Variants in CYP2U1 observed in about 807,000 individuals in gnomAD.
The protein encoded by CYP2U1 is cytochrome P450 family 2 subfamily U member 1, also known as cytochrome P450 2U1.
Under a neutral mutation model 42.8 loss-of-function variants are expected in CYP2U1, and 28 were observed. That is an observed-to-expected ratio of 0.65 (90% CI 0.48 to 0.90). The LOEUF (loss-of-function observed/expected upper bound fraction) is 0.90, where lower values mean the gene tolerates loss of function less well. CYP2U1 is among the 40% of genes least tolerant of loss of function. The pLI, the probability that CYP2U1 is intolerant of heterozygous loss-of-function variation, is 0.00. For missense variants in CYP2U1, 642 were observed against 693.8 expected (o/e 0.93, Z 0.84); for synonymous variants, 296 against 278.9 (o/e 1.06, Z -0.61).
At chr4:107,942,330 A>AT (rs1303457650) in intron 1 of CYP2U1, among the ~76,000 whole-genome samples, 1 of 152,174 alleles carries the variant, frequency 6.6e-6, no homozygotes, top group African/African-American at 2.4e-5. Flanking sequence ...TGCTCTGTGG[A>AT]TCCCCCAGAC....
rs10002671 is a variant in CYP2U1, at chr4:107,944,902, G to A, written c.491-68G>A. 841,567 of 1,443,908 alleles carry A rather than the reference G, an allele frequency of 0.58. 246,435 individuals carry two copies. The highest frequency in any genetic ancestry group is 0.75 in the African/African-American group (48,709 of 64,794). The allele number at this position is 1,443,908 out of a possible 1,614,324, so 89.4% of individuals were successfully genotyped here. ...ACTTGAAAAATACAGAATGCACTCCGTGGTAGGTCTGTTCAGTGTTATCAG... is the reference window on the plus strand; with the variant it reads ...ACTTGAAAAATACAGAATGCACTCCATGGTAGGTCTGTTCAGTGTTATCAG... On this transcript the variant is annotated intron_variant, in intron 1 of 4. Coordinates refer to ENST00000332884, the MANE Select transcript of CYP2U1 (RefSeq NM_183075.3).
chr4:107,950,486 T>C lies in CYP2U1; in HGVS notation c.*63T>C. ...AATACATATCCTTCTAAGCAGATTC[T>C]TCCTACTGCAAAGGACAGTGAATCC... On this transcript the variant is annotated 3_prime_UTR_variant, in exon 5 of 5. Coordinates refer to ENST00000332884, the MANE Select transcript of CYP2U1 (RefSeq NM_183075.3). 2 of 1,480,348 alleles carry C rather than the reference T, an allele frequency of 1.4e-6. No individual in the cohort carries two copies. The highest frequency in any genetic ancestry group is 1.8e-6 in the Non-Finnish European group (2 of 1,111,608). The allele number at this position is 1,480,348 out of a possible 1,614,324, so 91.7% of individuals were successfully genotyped here. A position where few individuals can be genotyped will look rare whatever the true frequency, so the allele number is the denominator to read the frequency against.
At chr4:107,944,585 C>T (rs1484457400) in intron 1 of CYP2U1, among the ~76,000 whole-genome samples, 1 of 151,546 alleles carries the variant, frequency 6.6e-6, no homozygotes, top group Admixed American at 6.6e-5. Flanking sequence ...GGATTATAGG[C>T]ATGAGCCACT....
chr4:107,948,590 A>ATCG (rs1334760455), intron 3 of CYP2U1, among the ~76,000 whole-genome samples: 2 of 148,424 alleles, frequency 1.3e-5, no homozygotes, highest in African/African-American at 5.2e-5. Flanking sequence ...AATAATAATA[A>ATCG]TAATCATCAT....
Position 107,950,255 on chromosome 4 carries a change from GT to G in CYP2U1, c.1468del (p.Cys490ValfsTer13). 6.2e-7 allele frequency: 1 copy of G among 1,610,716 alleles called. No individual in the cohort carries two copies. The highest frequency in any genetic ancestry group is 8.5e-7 in the Non-Finnish European group (1 of 1,178,616). Reference protein sequence around the residue: ...FIPFGIGKRVCMGEQLAKMEL... With the variant: ...FIPFGIGKRVXMGEQLAKMEL... Reference sequence around the variant, plus strand: ...TGATCTCATTTTTAGGGAAGCGGGTGTGTATGGGAGAACAACTGGCAAAGAT... The same window carrying G: ...TGATCTCATTTTTAGGGAAGCGGGTGGTATGGGAGAACAACTGGCAAAGAT... On this transcript the variant is annotated frameshift_variant, in exon 5 of 5. Coordinates refer to ENST00000332884, the MANE Select transcript of CYP2U1 (RefSeq NM_183075.3). LOFTEE classifies it high-confidence loss of function.
chr4:107,932,003 C>G lies in CYP2U1; in HGVS notation c.360C>G (p.Phe120Leu), dbSNP rs753662731. ...GCGTGTACGGCAGCATCTTCAGCTTCTTTATCGGCCACTACCTGGTGGTGG... is the reference window on the plus strand; with the variant it reads ...GCGTGTACGGCAGCATCTTCAGCTTGTTTATCGGCCACTACCTGGTGGTGG... ...LARVYGSIFS[F>L]FIGHYLVVVL... Residue 120 changes from phenylalanine (F) to leucine (L), a missense_variant, in exon 1 of 5, where the codon TTC (phenylalanine) becomes TTG (leucine). Physicochemically the swap from Phe to Leu is conservative, Grantham distance 22 (BLOSUM62 0). Transcript: ENST00000332884. 2.0e-5 allele frequency: 31 copies of G among 1,556,350 alleles called. No homozygotes were observed. The highest frequency in any genetic ancestry group is 2.3e-5 in the Non-Finnish European group (27 of 1,150,146).
At chr4:107,950,123 A>T in intron 4 of CYP2U1, 122 bp from the exon 5 acceptor site, 1 of 978,482 alleles carries the variant, frequency 1.0e-6, no homozygotes, top group Non-Finnish European at 1.5e-6. Flanking sequence ...TGGCAATTTG[A>T]CTTAAAAACT....
At chr4:107,941,285 T>C (rs1733484783) in intron 1 of CYP2U1, 2 of 152,108 alleles carry the variant, frequency 1.3e-5, no homozygotes, top group South Asian at 4.1e-4. Flanking sequence ...TTATCTACCT[T>C]TAGCAAAAAC....
chr4:107,934,338 G>T (rs113022301), intron 1 of CYP2U1, among the ~76,000 whole-genome samples: 2,366 of 151,978 alleles, frequency 0.016, 54 homozygotes, highest in African/African-American at 0.052. Context: ...CAATCCATAA[G>T]TCTTACTGAC....
chr4:107,934,070 T>C (rs186788290), intron 1 of CYP2U1, among the ~76,000 whole-genome samples: 287 of 152,292 alleles, frequency 1.9e-3, no homozygotes, highest in Middle Eastern at 6.8e-3. Flanking sequence ...ATGTGGTAAT[T>C]CTAGGTTTAA....
In CYP2U1 at chr4:107,945,450, A is replaced by T. The variant is rs751874391; in HGVS notation, c.971A>T (p.His324Leu). ...PQDFIDMYLL[H>L]MEEERKNNSN... ...GACTTCATAGACATGTACCTTCTCC[A>T]CATGGAAGAGGAGAGGAAAAATAAT... is the stretch of plus-strand genomic sequence containing the variant. Residue 324 changes from histidine to leucine, a missense_variant, in exon 2 of 5, where the codon CAC becomes CTC. Coordinates refer to ENST00000332884, the MANE Select transcript of CYP2U1 (RefSeq NM_183075.3). The T allele has an allele frequency of 6.2e-7, 1 of 1,614,142 alleles. No individual in the cohort carries two copies. Among genetic ancestry groups the T allele is most frequent in the Middle Eastern group, 1.6e-4 (1 of 6,062 alleles).
intron 1 of CYP2U1, among the ~76,000 whole-genome samples, chr4:107,933,957 C>T (rs1015347212): frequency 6.6e-6 from 1 of 152,130 alleles, no homozygotes; most frequent in African/African-American, 2.4e-5. Context: ...TTTACCCATT[C>T]ATCCATTGAT....
intron 2 of CYP2U1, among the ~76,000 whole-genome samples, chr4:107,946,008 C>G (rs1173694053): frequency 6.6e-6 from 1 of 152,104 alleles, no homozygotes; most frequent in East Asian, 1.9e-4. Context: ...CACCTAGTCC[C>G]AATAGATACT....
At chr4:107,945,632 A>G in intron 2 of CYP2U1, 27 bp downstream of exon 2, 1 of 1,529,370 alleles carries the variant, frequency 6.5e-7, no homozygotes, top group East Asian at 2.3e-5. Context: ...TCCTTTGTTC[A>G]TGGCAAAACC....
chr4:107,950,540 A>T lies in CYP2U1; in HGVS notation c.*117A>T. ...AACTCAGTGGATCCAAGCTGGGCTC[A>T]GAGGTCGGAAGGAGGGTAGAGCACA... On this transcript the variant is annotated 3_prime_UTR_variant, in exon 5 of 5. Transcript: ENST00000332884. 3 of 1,114,762 alleles carry T rather than the reference A, an allele frequency of 2.7e-6. No homozygotes were observed. The highest frequency in any genetic ancestry group is 3.7e-6 in the Non-Finnish European group (3 of 812,978). 69.1% of individuals were successfully genotyped at this position (1,114,762 alleles called of 1,614,324 possible). A position where few individuals can be genotyped will look rare whatever the true frequency, so the allele number is the denominator to read the frequency against.
At chr4:107,934,757 C>T (rs1307634003) in intron 1 of CYP2U1, among the ~76,000 whole-genome samples, 3 of 152,176 alleles carry the variant, frequency 2.0e-5, no homozygotes, top group Non-Finnish European at 2.9e-5. Context: ...CCTCAAGGTA[C>T]GATGTTTGTC....
rs1477542877 is a variant in CYP2U1, at chr4:107,944,848, A to ATATATATATATATATATATATATATG, written c.491-119_491-118insATATATATATATATATATATATGTAT. 191 of 134,702 alleles carry ATATATATATATATATATATATATATG rather than the reference A, an allele frequency of 1.4e-3. 15 individuals are homozygous for ATATATATATATATATATATATATATG. Among genetic ancestry groups the ATATATATATATATATATATATATATG allele is most frequent in the Non-Finnish European group, 1.1e-3 (76 of 70,710 alleles). 8.3% of individuals were successfully genotyped at this position (134,702 alleles called of 1,614,324 possible). A position where few individuals can be genotyped will look rare whatever the true frequency, so the allele number is the denominator to read the frequency against. On this transcript the variant is annotated intron_variant, in intron 1 of 4. Transcript: ENST00000332884. ...GTGGTCTTTATATATACATATATATATATTTATATGAGGAATTTTCCATAA... is the reference window on the plus strand; with the variant it reads ...GTGGTCTTTATATATACATATATATATATATATATATATATATATATATATGTATTTATATGAGGAATTTTCCATAA...
intron 1 of CYP2U1, chr4:107,940,316 G>A (rs1433652129): frequency 6.6e-6 from 1 of 151,782 alleles, no homozygotes; most frequent in East Asian, 1.9e-4. Flanking sequence ...AAACTCCTGG[G>A]TTCAAGCAAT....
At chr4:107,944,360 T>G (rs931393122) in intron 1 of CYP2U1, among the ~76,000 whole-genome samples, 17 of 152,114 alleles carry the variant, frequency 1.1e-4, no homozygotes, top group African/African-American at 3.6e-4. Context: ...TGGAGTGCAG[T>G]GGCATGATCA....
Sources: allele counts gnomAD v4.1 joint callset (sites outside exome capture counted in the v4.1 genomes callset), GRCh38; gene constraint gnomAD v4.1.1; transcripts MANE v1.5; gene names NCBI Gene and HGNC (gene_info 2026-07-23, HGNC 2026-07-21).